Variants in SPIN1 observed in about 807,000 individuals in gnomAD.
The protein encoded by SPIN1 is spindlin-1.
A neutral mutation model predicts 26.0 loss-of-function variants in SPIN1; 3 were observed. That is an observed-to-expected ratio of 0.12 (90% CI 0.05 to 0.30). The LOEUF is 0.30. Among genes scored for constraint, SPIN1 ranks in the 10% least tolerant of loss-of-function variants. The pLI is 1.00. For missense variants in SPIN1, 126 were observed against 333.4 expected, an observed-to-expected ratio of 0.38 and a Z score of 4.84; for synonymous variants, 101 against 116.5, an observed-to-expected ratio of 0.87 and a Z score of 0.86.
chr9:88,408,981 TTG>T lies in SPIN1; in HGVS notation c.-158-17373_-158-17372del, dbSNP rs148808911. Among the ~76,000 whole-genome samples the T allele has an allele frequency of 5.3e-3, 727 of 136,196 alleles. 2 individuals carry two copies. The highest frequency in any genetic ancestry group is 0.024 in the East Asian group (111 of 4,614). The allele number at this position is 136,196 out of a possible 152,430, so 89.3% of individuals were successfully genotyped here. A position where few individuals can be genotyped will look rare whatever the true frequency, so the allele number is the denominator to read the frequency against. On this transcript the variant is annotated intron_variant, in intron 1 of 5. Coordinates refer to ENST00000375859, the MANE Select transcript of SPIN1 (RefSeq NM_006717.3). Reference sequence around the variant, plus strand: ...CCGGCCCTTTTGTGTTTGTGTGTGTTTGTGTGTGTGTGTGTGTGTGTGTGTGT... The same window carrying T: ...CCGGCCCTTTTGTGTTTGTGTGTGTTTGTGTGTGTGTGTGTGTGTGTGTGT...
chr9:88,471,294 T>A (rs1329267762), intron 5 of SPIN1, among the ~76,000 whole-genome samples: 1 of 150,156 alleles, frequency 6.7e-6, no homozygotes, highest in Non-Finnish European at 1.5e-5. Flanking sequence ...TCCAACTTCA[T>A]TTTTTTTTGC....
chr9:88,414,132 A>G (rs1264292426), intron 1 of SPIN1, among the ~76,000 whole-genome samples: 2 of 152,186 alleles, frequency 1.3e-5, no homozygotes, highest in East Asian at 1.9e-4. Context: ...TCCTGTGGAG[A>G]CAGGGTATTA....
At chr9:88,441,539 C>G (rs1156544681) in intron 2 of SPIN1, among the ~76,000 whole-genome samples, 1 of 151,828 alleles carries the variant, frequency 6.6e-6, no homozygotes, top group African/African-American at 2.4e-5. Flanking sequence ...GGGAGGATCA[C>G]TTGAGCCCAG....
intron 3 of SPIN1, among the ~76,000 whole-genome samples, chr9:88,459,090 CTG>C (rs3055085): frequency 0.18 from 28,098 of 152,018 alleles, 3,344 homozygotes; most frequent in African/African-American, 0.34. Flanking sequence ...CATGGAATGT[CTG>C]TGTAAATTAC....
chr9:88,408,653 G>T (rs1286763412), intron 1 of SPIN1, among the ~76,000 whole-genome samples: 6 of 150,702 alleles, frequency 4.0e-5, no homozygotes, highest in African/African-American at 1.5e-4. Flanking sequence ...GGGATTACAG[G>T]TGTGAGCCAC....
chr9:88,396,908 TTATC>T (rs1827074749), intron 1 of SPIN1, among the ~76,000 whole-genome samples: 1 of 151,910 alleles, frequency 6.6e-6, no homozygotes, highest in Admixed American at 6.6e-5. Flanking sequence ...AGGTATTTAT[TTATC>T]TAAACATATC....
At chr9:88,449,060 A>G in intron 3 of SPIN1, 71 bp downstream of exon 3, 5 of 1,474,680 alleles carry the variant, frequency 3.4e-6, no homozygotes, top group South Asian at 1.1e-5. Flanking sequence ...AAGATCACCT[A>G]GGTAAGGCCT....
At chr9:88,400,916 G>A (rs942884205) in intron 1 of SPIN1, among the ~76,000 whole-genome samples, 2 of 152,114 alleles carry the variant, frequency 1.3e-5, no homozygotes, top group Admixed American at 6.6e-5. Flanking sequence ...GGGAGGCTGA[G>A]GTGGGAGGAT....
intron 5 of SPIN1, among the ~76,000 whole-genome samples, chr9:88,471,511 C>T (rs145119059): frequency 2.9e-3 from 440 of 151,600 alleles, no homozygotes; most frequent in African/African-American, 0.01. Flanking sequence ...AAAAATTAGC[C>T]AGGTGTGGTG....
chr9:88,438,360 GC>G (rs1828051372), intron 2 of SPIN1, among the ~76,000 whole-genome samples: 2 of 152,040 alleles, frequency 1.3e-5, no homozygotes, highest in South Asian at 4.1e-4. Flanking sequence ...AGATTTTTCA[GC>G]CATCTCTCTG....
chr9:88,421,104 T>G (rs1036348935), intron 1 of SPIN1, among the ~76,000 whole-genome samples: 4 of 148,862 alleles, frequency 2.7e-5, no homozygotes, highest in Non-Finnish European at 5.9e-5. Flanking sequence ...ATTGTTTTCT[T>G]TCCCTGAATT....
intron 1 of SPIN1, among the ~76,000 whole-genome samples, chr9:88,408,800 A>T (rs548911280): frequency 2.0e-5 from 3 of 150,102 alleles, no homozygotes; most frequent in Non-Finnish European, 3.0e-5. Context: ...CAGCCTCCCA[A>T]GTAGCTGGGA....
chr9:88,433,932 A>G (rs1384898645), intron 2 of SPIN1, among the ~76,000 whole-genome samples: 1 of 152,150 alleles, frequency 6.6e-6, no homozygotes, highest in African/African-American at 2.4e-5. Flanking sequence ...GTTATAAGGA[A>G]ACAACTTTGA....
At chr9:88,448,342 T>C (rs1176938217) in intron 2 of SPIN1, among the ~76,000 whole-genome samples, 1 of 151,844 alleles carries the variant, frequency 6.6e-6, no homozygotes, top group East Asian at 1.9e-4. Flanking sequence ...CTGTACCCAG[T>C]TAAGTTTTTT....
intron 3 of SPIN1, among the ~76,000 whole-genome samples, chr9:88,460,192 T>C (rs928845786): frequency 6.6e-6 from 1 of 152,204 alleles, no homozygotes; most frequent in East Asian, 1.9e-4. Context: ...GTTCTTCTGT[T>C]ACACAGAAGT....
At chr9:88,467,558 A>G (rs1336389655) in intron 4 of SPIN1, among the ~76,000 whole-genome samples, 2 of 152,160 alleles carry the variant, frequency 1.3e-5, no homozygotes, top group African/African-American at 4.8e-5. Context: ...TGGGAGAGGA[A>G]GAAGAGCAGA....
intron 2 of SPIN1, among the ~76,000 whole-genome samples, chr9:88,437,968 A>G (rs1015758921): frequency 5.9e-5 from 9 of 152,046 alleles, no homozygotes; most frequent in Admixed American, 2.0e-4. Context: ...CCTGGCCAAC[A>G]TGGTGAAACT....
intron 3 of SPIN1, among the ~76,000 whole-genome samples, chr9:88,458,700 C>CG (rs1564040956): frequency 6.6e-6 from 1 of 151,932 alleles, no homozygotes. Flanking sequence ...AGGAGGGAAG[C>CG]GGGGAAGATT....
intron 2 of SPIN1, among the ~76,000 whole-genome samples, chr9:88,439,189 T>C (rs563621870): frequency 1.3e-5 from 2 of 152,342 alleles, no homozygotes; most frequent in African/African-American, 2.4e-5. Context: ...TGCTTAGATA[T>C]CCTGAACACA....
Sources: gnomAD v4.1 joint callset for allele counts (sites outside exome capture counted in the v4.1 genomes callset) on GRCh38, gnomAD v4.1.1 for gene constraint, MANE v1.5 for transcripts, NCBI Gene and HGNC (gene_info 2026-07-23, HGNC 2026-07-21) for gene names.